The following MAGI3 variants were observed in gnomAD, a reference collection of about 807,000 sequenced individuals.
The protein encoded by MAGI3 is membrane-associated guanylate kinase, WW and PDZ domain-containing protein 3.
In MAGI3, 43 loss-of-function variants were observed where a neutral mutation model predicts 121.8. The ratio of observed to expected loss-of-function variants is 0.35; its 90% CI spans 0.28 to 0.46. The LOEUF is 0.46. Ranked by LOEUF, MAGI3 falls within the 20% of genes least tolerant of loss-of-function variation. The pLI is 1.00. For missense variants in MAGI3, 1,547 were observed against 1,797.3 expected, an observed-to-expected ratio of 0.86 and a Z score of 2.52; for synonymous variants, 553 against 639.3, an observed-to-expected ratio of 0.86 and a Z score of 2.04.
At chr1:113,480,665 C>T (rs1656067291) in intron 1 of MAGI3, among the ~76,000 whole-genome samples, 1 of 152,232 alleles carries the variant, frequency 6.6e-6, no homozygotes, top group African/African-American at 2.4e-5. Context: ...TAATGTGAAA[C>T]TGTCCTTACC....
chr1:113,588,978 T>C (rs1330802441), intron 4 of MAGI3, among the ~76,000 whole-genome samples: 2 of 152,090 alleles, frequency 1.3e-5, no homozygotes, highest in African/African-American at 2.4e-5. Context: ...TAGAGAAGAT[T>C]GGTGATGCAG....
chr1:113,663,010 G>A (rs534206440), intron 16 of MAGI3, among the ~76,000 whole-genome samples: 135 of 152,280 alleles, frequency 8.9e-4, no homozygotes, highest in African/African-American at 3.2e-3. Context: ...CGGATCAACT[G>A]AGGTCGGGAG....
intron 1 of MAGI3, among the ~76,000 whole-genome samples, chr1:113,534,519 A>G (rs1017353916): frequency 3.3e-5 from 5 of 151,900 alleles, no homozygotes; most frequent in African/African-American, 4.8e-5. Flanking sequence ...CTTCCAGTCT[A>G]TGTTGCCTGG....
intron 9 of MAGI3, among the ~76,000 whole-genome samples, chr1:113,638,775 G>C (rs1211696611): frequency 1.3e-5 from 2 of 152,236 alleles, no homozygotes; most frequent in Non-Finnish European, 2.9e-5. Flanking sequence ...GTCAGACAGG[G>C]ACATTTAAGT....
chr1:113,436,298 C>G (rs967871774), intron 1 of MAGI3, among the ~76,000 whole-genome samples: 3 of 152,010 alleles, frequency 2.0e-5, no homozygotes, highest in Non-Finnish European at 2.9e-5. Flanking sequence ...ATTGCCTTCT[C>G]TCTCTCTCTA....
At chr1:113,654,847 A>G (rs1157132092) in intron 15 of MAGI3, among the ~76,000 whole-genome samples, 1 of 152,220 alleles carries the variant, frequency 6.6e-6, no homozygotes. Flanking sequence ...TTTACAAGTC[A>G]GTTTGATTAT....
At chr1:113,539,780 T>C (rs1029657041) in intron 1 of MAGI3, among the ~76,000 whole-genome samples, 5 of 152,044 alleles carry the variant, frequency 3.3e-5, no homozygotes, top group African/African-American at 1.2e-4. Context: ...TGTCATATAT[T>C]GAAGCATTAC....
intron 1 of MAGI3, among the ~76,000 whole-genome samples, chr1:113,523,208 C>T (rs1454522512): frequency 6.6e-6 from 1 of 152,206 alleles, no homozygotes; most frequent in Non-Finnish European, 1.5e-5. Context: ...TTCATTAAAT[C>T]TCTTTCTTTT....
chr1:113,528,786 G>A (rs1658572996), intron 1 of MAGI3, among the ~76,000 whole-genome samples: 1 of 152,100 alleles, frequency 6.6e-6, no homozygotes, highest in Admixed American at 6.5e-5. Flanking sequence ...CACAAAAATA[G>A]GTTTAAAATG....
At chr1:113,466,889 A>G (rs746697827) in intron 1 of MAGI3, among the ~76,000 whole-genome samples, 1 of 151,952 alleles carries the variant, frequency 6.6e-6, no homozygotes, top group Non-Finnish European at 1.5e-5. Context: ...TTACAAAACC[A>G]ACTTTTTGTT....
At chr1:113,641,372 G>T (rs949030852) in intron 9 of MAGI3, among the ~76,000 whole-genome samples, 1 of 150,746 alleles carries the variant, frequency 6.6e-6, no homozygotes, top group African/African-American at 2.4e-5. Context: ...GGCTCTGGAG[G>T]ACATGCCAAG....
At position 113,454,988 on chromosome 1, in the gene MAGI3, G is replaced by A. The variant is rs190590413; in HGVS notation, c.316+63639G>A. ...ATAAACAAGAAGTAGAACCAGAGAA[G>A]GCATACGTGAAAAATTAATGTGTGG... On this transcript the variant is annotated intron_variant, in intron 1 of 20. Transcript: ENST00000307546. Among the ~76,000 whole-genome samples, 5 of 152,200 alleles carry A rather than the reference G, an allele frequency of 3.3e-5. No individual in the cohort carries two copies. The East Asian group carries it at 9.7e-4, about 29-fold the overall frequency.
intron 1 of MAGI3, among the ~76,000 whole-genome samples, chr1:113,529,447 C>T (rs1304045536): frequency 6.6e-6 from 1 of 152,148 alleles, no homozygotes; most frequent in Non-Finnish European, 1.5e-5. Context: ...TCTCTGGGTT[C>T]TCTTTTATTG....
chr1:113,588,957 G>C (rs1394118937), intron 4 of MAGI3, among the ~76,000 whole-genome samples: 1 of 152,154 alleles, frequency 6.6e-6, no homozygotes, highest in Non-Finnish European at 1.5e-5. Context: ...GGTTGGATAT[G>C]ATCTAATAGA....
At chr1:113,474,582 G>A (rs903438664) in intron 1 of MAGI3, among the ~76,000 whole-genome samples, 3 of 152,092 alleles carry the variant, frequency 2.0e-5, no homozygotes, top group Non-Finnish European at 4.4e-5. Context: ...GCGGATGTGT[G>A]GTGTTATTTC....
At chr1:113,488,412 C>T (rs1477004400) in intron 1 of MAGI3, among the ~76,000 whole-genome samples, 3 of 152,216 alleles carry the variant, frequency 2.0e-5, no homozygotes, top group African/African-American at 7.2e-5. Context: ...CCAACCTGAG[C>T]GCCCCTTGGT....
chr1:113,531,030 T>C (rs1399468622), intron 1 of MAGI3, among the ~76,000 whole-genome samples: 2 of 152,204 alleles, frequency 1.3e-5, no homozygotes, highest in African/African-American at 4.8e-5. Flanking sequence ...GCTAGAGACA[T>C]AAACTGTACT....
chr1:113,455,937 G>A (rs1305964050), intron 1 of MAGI3, among the ~76,000 whole-genome samples: 1 of 151,244 alleles, frequency 6.6e-6, no homozygotes, highest in African/African-American at 2.4e-5. Context: ...AACCTCTTCC[G>A]TTTTTTCTTT....
At chr1:113,597,156 A>G (rs1649068531) in intron 6 of MAGI3, among the ~76,000 whole-genome samples, 2 of 152,358 alleles carry the variant, frequency 1.3e-5, no homozygotes, top group South Asian at 4.1e-4. Context: ...GGAACAAAAT[A>G]CTATACATGC....
Sources: gnomAD v4.1 joint callset for allele counts (sites outside exome capture counted in the v4.1 genomes callset) on GRCh38, gnomAD v4.1.1 for gene constraint, MANE v1.5 for transcripts, NCBI Gene and HGNC (gene_info 2026-07-23, HGNC 2026-07-21) for gene names.